ARB2A: variants seen among roughly 807,000 people sequenced by gnomAD.
The protein encoded by ARB2A is ARB2 cotranscriptional regulator A, also known as cotranscriptional regulator ARB2A.
At chr5:93,875,467 G>A in the ARB2A span, among the ~76,000 whole-genome samples, 2 of 152,058 alleles carry the variant, frequency 1.3e-5, no homozygotes, top group Non-Finnish European at 2.9e-5. Flanking sequence ...CCTGACCTCA[G>A]GCAATCTGCC....
chr5:93,874,038 A>G, the ARB2A span, among the ~76,000 whole-genome samples: 1 of 152,202 alleles, frequency 6.6e-6, no homozygotes, highest in African/African-American at 2.4e-5. Flanking sequence ...ACAGATCTAA[A>G]ACAAATTTTC....
At chr5:94,021,458 A>T in the ARB2A span, among the ~76,000 whole-genome samples, 3 of 152,216 alleles carry the variant, frequency 2.0e-5, no homozygotes, top group Non-Finnish European at 2.9e-5. Flanking sequence ...TGACTAACTG[A>T]TGGAAAAAAA....
the ARB2A span, among the ~76,000 whole-genome samples, chr5:93,642,287 A>T: frequency 6.6e-6 from 1 of 150,872 alleles, no homozygotes. Flanking sequence ...CCATAACCTC[A>T]AACTCCTGCG....
At chr5:94,040,479 A>T in the ARB2A span, among the ~76,000 whole-genome samples, 1 of 150,750 alleles carries the variant, frequency 6.6e-6, no homozygotes, top group African/African-American at 2.4e-5. Context: ...CATTAGGTAT[A>T]TCTCCTAATG....
At chr5:93,996,052 C>T in the ARB2A span, among the ~76,000 whole-genome samples, 1 of 151,992 alleles carries the variant, frequency 6.6e-6, no homozygotes, top group Non-Finnish European at 1.5e-5. Flanking sequence ...TAAGTCTCTT[C>T]TCTGTTGACT....
chr5:94,109,282 A>T, the ARB2A span, among the ~76,000 whole-genome samples: 12 of 152,232 alleles, frequency 7.9e-5, no homozygotes, highest in African/African-American at 2.7e-4. Context: ...TGAAGGTAAC[A>T]GAAAACGAGG....
the ARB2A span, among the ~76,000 whole-genome samples, chr5:93,988,619 T>C: frequency 6.6e-6 from 1 of 152,208 alleles, no homozygotes; most frequent in Non-Finnish European, 1.5e-5. Context: ...GACTTTAAAT[T>C]TTCAAAGAGT....
chr5:93,770,743 C>G, the ARB2A span, among the ~76,000 whole-genome samples: 1 of 152,142 alleles, frequency 6.6e-6, no homozygotes, highest in Non-Finnish European at 1.5e-5. Flanking sequence ...ATCCAACTTA[C>G]AAGGGACGTG....
At chr5:93,811,941 C>T in the ARB2A span, among the ~76,000 whole-genome samples, 1 of 152,004 alleles carries the variant, frequency 6.6e-6, no homozygotes, top group South Asian at 2.1e-4. Context: ...ATGTCTTAGG[C>T]CATCATGGCT....
At chr5:93,770,378 T>A in the ARB2A span, among the ~76,000 whole-genome samples, 1 of 152,120 alleles carries the variant, frequency 6.6e-6, no homozygotes, top group Non-Finnish European at 1.5e-5. Flanking sequence ...CTGGAAGCAT[T>A]CCCTTTGAAA....
At chr5:93,984,611 C>T in the ARB2A span, among the ~76,000 whole-genome samples, 1 of 152,170 alleles carries the variant, frequency 6.6e-6, no homozygotes, top group African/African-American at 2.4e-5. Context: ...ATACTACCCT[C>T]CAAACTGAAG....
the ARB2A span, among the ~76,000 whole-genome samples, chr5:93,899,769 T>A: frequency 2.0e-5 from 3 of 152,212 alleles, no homozygotes; most frequent in Admixed American, 6.5e-5. Context: ...CGGTTAAATG[T>A]CACATAGTAG....
chr5:93,901,382 C>G, the ARB2A span, among the ~76,000 whole-genome samples: 1 of 152,122 alleles, frequency 6.6e-6, no homozygotes, highest in Non-Finnish European at 1.5e-5. Flanking sequence ...CACAGGTAGA[C>G]AGCAAAATCA....
chr5:94,003,670 C>T, the ARB2A span, among the ~76,000 whole-genome samples: 1 of 151,514 alleles, frequency 6.6e-6, no homozygotes, highest in Non-Finnish European at 1.5e-5. Flanking sequence ...ACTTGTATAA[C>T]AAGAACTACA....
At chr5:93,679,381 A>G in the ARB2A span, among the ~76,000 whole-genome samples, 7 of 152,240 alleles carry the variant, frequency 4.6e-5, no homozygotes, top group Admixed American at 4.6e-4. Context: ...GAAAATGTCC[A>G]GGTCTCATGG....
chr5:93,844,468 A>G, the ARB2A span, among the ~76,000 whole-genome samples: 1 of 152,096 alleles, frequency 6.6e-6, no homozygotes, highest in African/African-American at 2.4e-5. Flanking sequence ...CAAAAGGAAA[A>G]TAATTTCTAA....
the ARB2A span, among the ~76,000 whole-genome samples, chr5:93,705,318 T>C: frequency 6.6e-6 from 1 of 152,208 alleles, no homozygotes; most frequent in Admixed American, 6.5e-5. Context: ...AATATTTTAA[T>C]GTCTTAAGAA....
At chr5:94,068,104 C>T in the ARB2A span, among the ~76,000 whole-genome samples, 1 of 152,160 alleles carries the variant, frequency 6.6e-6, no homozygotes. Context: ...TGGGCTACTC[C>T]CAACATGGCA....
chr5:93,982,279 G>A, the ARB2A span, among the ~76,000 whole-genome samples: 3 of 152,058 alleles, frequency 2.0e-5, no homozygotes, highest in Non-Finnish European at 4.4e-5. Context: ...GCTGATGTCA[G>A]TATGCACTCC....
Sources: allele counts gnomAD v4.1 joint callset (sites outside exome capture counted in the v4.1 genomes callset), GRCh38; gene constraint gnomAD v4.1.1; transcripts MANE v1.5; gene names NCBI Gene and HGNC (gene_info 2026-07-23, HGNC 2026-07-21).